Variants in MLF1 observed in about 807,000 individuals in gnomAD.
MLF1 encodes myeloid leukemia factor 1.
In MLF1, 37 loss-of-function variants were observed where a neutral mutation model predicts 38.3. The ratio of observed to expected loss-of-function variants is 0.96; its 90% CI spans 0.74 to 1.27. The LOEUF (loss-of-function observed/expected upper bound fraction) is 1.27. Among genes scored for constraint, MLF1 ranks in the 50% most tolerant of loss-of-function variants. The pLI is 0.00. For missense variants in MLF1, 331 were observed against 349.2 expected, an observed-to-expected ratio of 0.95 and a Z score of 0.42; for synonymous variants, 95 against 106.5, an observed-to-expected ratio of 0.89 and a Z score of 0.66.
intron 1 of MLF1, among the ~76,000 whole-genome samples, chr3:158,585,328 C>T (rs1283116511): frequency 1.3e-5 from 2 of 152,102 alleles, no homozygotes; most frequent in African/African-American, 2.4e-5. Context: ...CCACTCTTAC[C>T]ATGTGATCTC....
intron 1 of MLF1, among the ~76,000 whole-genome samples, chr3:158,583,763 A>AT (rs1252493793): frequency 2.6e-5 from 4 of 152,154 alleles, no homozygotes. Flanking sequence ...CAAACATTTG[A>AT]TAAAAACTGA....
intron 1 of MLF1, chr3:158,582,699 G>A (rs1310700515): frequency 2.0e-6 from 1 of 497,010 alleles, no homozygotes; most frequent in Non-Finnish European, 3.5e-6. Context: ...TATATAAAGT[G>A]TTGAGAGGAA....
chr3:158,597,024 T>G, intron 4 of MLF1, 79 bp downstream of exon 4: 4 of 833,282 alleles, frequency 4.8e-6, no homozygotes, highest in Non-Finnish European at 7.7e-6. Flanking sequence ...TCAAACACTT[T>G]TTTAACCATA....
At chr3:158,594,255 A>C (rs1355161513) in intron 3 of MLF1, among the ~76,000 whole-genome samples, 2 of 152,176 alleles carry the variant, frequency 1.3e-5, no homozygotes, top group African/African-American at 4.8e-5. Context: ...GGGGTGGGTC[A>C]ATCCAAGTAG....
chr3:158,573,209 C>G (rs904524276), intron 1 of MLF1: 1 of 151,302 alleles, frequency 6.6e-6, no homozygotes, highest in African/African-American at 2.4e-5. Context: ...AATGAGAGCA[C>G]GACAAAGTTG....
intron 1 of MLF1, among the ~76,000 whole-genome samples, chr3:158,573,767 A>G (rs1225422709): frequency 2.0e-5 from 3 of 151,996 alleles, no homozygotes; most frequent in Non-Finnish European, 4.4e-5. Context: ...TTTATTGCAC[A>G]TATTTTTCAA....
Position 158,602,877 on chromosome 3 carries a change from A to G in MLF1, c.684A>G (p.Leu228=), listed in dbSNP as rs1720002452. Residue 228 remains leucine (L), a synonymous_variant, in exon 7 of 8, where the codon CTA becomes CTG. Coordinates refer to ENST00000466246, the MANE Select transcript of MLF1 (RefSeq NM_001369783.1). ...AGTACAAACCAGGACGACACAATCTAGGAAACACTAGAATGAGAAGTGTTG... is the reference window on the plus strand; with the variant it reads ...AGTACAAACCAGGACGACACAATCTGGGAAACACTAGAATGAGAAGTGTTG... ...VLKYKPGRHN[L]GNTRMRSVGH... 3 of 1,613,796 alleles carry G rather than the reference A, an allele frequency of 1.9e-6. No individual in the cohort carries two copies. Among genetic ancestry groups the G allele is most frequent in the African/African-American group, 2.7e-5 (2 of 74,942 alleles).
chr3:158,591,847 T>G (rs1474424808), intron 1 of MLF1, among the ~76,000 whole-genome samples: 1 of 59,980 alleles, frequency 1.7e-5, no homozygotes, highest in Non-Finnish European at 3.5e-5. Context: ...AATAAAGATG[T>G]TTTTTTTATT....
intron 1 of MLF1, chr3:158,590,904 T>C: frequency 2.4e-6 from 1 of 423,480 alleles, no homozygotes; most frequent in Non-Finnish European, 4.6e-6. Flanking sequence ...TGAAAACATC[T>C]GTCTATACAT....
At chr3:158,574,811 T>C (rs1715180474) in intron 1 of MLF1, among the ~76,000 whole-genome samples, 2 of 152,166 alleles carry the variant, frequency 1.3e-5, no homozygotes, top group South Asian at 2.1e-4. Context: ...CCATAGATTA[T>C]TGAGGTGTTG....
At chr3:158,603,046 C>A (rs1720029334) in intron 7 of MLF1, 107 bp downstream of exon 7, 2 of 902,504 alleles carry the variant, frequency 2.2e-6, no homozygotes, top group African/African-American at 1.7e-5. Flanking sequence ...CAAATTGTAT[C>A]CACAGTATCT....
chr3:158,599,335 G>T (rs939006172), intron 5 of MLF1, among the ~76,000 whole-genome samples: 1 of 152,098 alleles, frequency 6.6e-6, no homozygotes, highest in African/African-American at 2.4e-5. Context: ...ACTGTGGCTT[G>T]TGAGTTTCCA....
intron 1 of MLF1, among the ~76,000 whole-genome samples, chr3:158,574,523 AAAAAT>A (rs1474364855): frequency 1.7e-4 from 20 of 115,698 alleles, no homozygotes; most frequent in African/African-American, 5.3e-4. Context: ...AAAAAAAAAA[AAAAAT>A]ACAAAATTAG....
intron 1 of MLF1, among the ~76,000 whole-genome samples, chr3:158,576,556 C>T (rs533430072): frequency 7.2e-5 from 11 of 152,136 alleles, no homozygotes; most frequent in Admixed American, 5.2e-4. Context: ...ATCTTCTGAG[C>T]TACAAAAATG....
chr3:158,591,159 CTTT>C (rs11314613), intron 1 of MLF1: 1,825 of 389,794 alleles, frequency 4.7e-3, no homozygotes, highest in Admixed American at 7.1e-3. Flanking sequence ...AGGAAAATTT[CTTT>C]TTTTTTTTTT....
At chr3:158,576,508 C>T (rs1232534894) in intron 1 of MLF1, among the ~76,000 whole-genome samples, 1 of 152,034 alleles carries the variant, frequency 6.6e-6, no homozygotes, top group African/African-American at 2.4e-5. Flanking sequence ...TTTAGTACGA[C>T]CCAGAATTTT....
Position 158,571,364 on chromosome 3 carries a change from A to G in MLF1, c.47+17A>G, listed in dbSNP as rs763885904. 9 of 1,612,980 alleles carry G rather than the reference A, an allele frequency of 5.6e-6. No homozygotes were observed. The South Asian group carries it at 8.8e-5, about 16-fold the overall frequency. On this transcript the variant is annotated intron_variant, in intron 1 of 7. Coordinates refer to ENST00000466246, the MANE Select transcript of MLF1 (RefSeq NM_001369783.1). Reference sequence around the variant, plus strand: ...CTTCTTCTCGTGAGTTACGGGAGCCAGGAGTCCGGGGTCGCGCGGGAATTA... The same window carrying G: ...CTTCTTCTCGTGAGTTACGGGAGCCGGGAGTCCGGGGTCGCGCGGGAATTA...
chr3:158,602,477 A>C (rs1189312876), intron 6 of MLF1, among the ~76,000 whole-genome samples: 1 of 152,184 alleles, frequency 6.6e-6, no homozygotes, highest in Non-Finnish European at 1.5e-5. Flanking sequence ...CTATACAGGA[A>C]GAGTATATTC....
rs1174631102 is a variant in MLF1, at chr3:158,606,226, A to ATT, written c.*1025_*1026insTT. 1.1e-5 allele frequency: 2 copies of ATT among 176,838 alleles called. No homozygotes were observed. Among genetic ancestry groups the ATT allele is most frequent in the Admixed American group, 6.3e-5 (1 of 15,796 alleles). 11.0% of individuals were successfully genotyped at this position (176,838 alleles called of 1,614,324 possible). ...CTTATAAAAGTTAGGTTTGAAGTTT[A>ATT]TAAGAATATAAAATCTTAACTCACA... On this transcript the variant is annotated 3_prime_UTR_variant, in exon 8 of 8. Transcript: ENST00000466246.
Sources: gnomAD v4.1 joint callset for allele counts (sites outside exome capture counted in the v4.1 genomes callset) on GRCh38, gnomAD v4.1.1 for gene constraint, MANE v1.5 for transcripts, NCBI Gene and HGNC (gene_info 2026-07-23, HGNC 2026-07-21) for gene names.